Variants in NELL2 observed in about 807,000 individuals in gnomAD.
The protein encoded by NELL2 is protein kinase C-binding protein NELL2.
NELL2 carries 41 observed loss-of-function variants against 109.6 expected under a neutral mutation model. The observed-to-expected ratio is 0.37, with a 90% CI of 0.29 to 0.49. NELL2 has a LOEUF of 0.49. NELL2 is among the 20% of genes least tolerant of loss of function. The pLI is 0.98. For synonymous variants in NELL2, 355 were observed against 344.7 expected, an observed-to-expected ratio of 1.03 and a Z score of -0.33; for missense variants, 900 against 1,008.3, an observed-to-expected ratio of 0.89 and a Z score of 1.45.
At chr12:44,760,930 A>G (rs2136548693) in intron 9 of NELL2, among the ~76,000 whole-genome samples, 1 of 152,348 alleles carries the variant, frequency 6.6e-6, no homozygotes, top group East Asian at 1.9e-4. Context: ...TTGAAAAACA[A>G]AAGAAACATT....
rs182622756 is a variant in NELL2, at chr12:44,890,976, C to T, written c.39-15076G>A. 1.4e-4 allele frequency among the ~76,000 whole-genome samples: 22 copies of T among 152,252 alleles called. No individual in the cohort carries two copies. The East Asian group carries it at 3.7e-3, about 25-fold the overall frequency. On this transcript the variant is annotated intron_variant, in intron 1 of 20. Transcript: ENST00000333837. Reference sequence around the variant, plus strand: ...AACTCCTGACCTCAGGTGATCCACCCGCCTCGGCATCCCCAAGTTCTAGGA... The same window carrying T: ...AACTCCTGACCTCAGGTGATCCACCTGCCTCGGCATCCCCAAGTTCTAGGA...
chr12:44,613,044 CTTTACATA>C (rs1945681145), intron 13 of NELL2, among the ~76,000 whole-genome samples: 1 of 151,944 alleles, frequency 6.6e-6, no homozygotes, highest in Non-Finnish European at 1.5e-5. Flanking sequence ...GCATCCATGC[CTTTACATA>C]TATATATATG....
At chr12:44,746,568 C>A (rs1940370971) in intron 9 of NELL2, among the ~76,000 whole-genome samples, 2 of 152,162 alleles carry the variant, frequency 1.3e-5, no homozygotes, top group African/African-American at 4.8e-5. Context: ...GGGCTAATAC[C>A]CAGAATCTAC....
At chr12:44,749,086 C>G (rs1940526763) in intron 9 of NELL2, among the ~76,000 whole-genome samples, 1 of 152,128 alleles carries the variant, frequency 6.6e-6, no homozygotes, top group Admixed American at 6.6e-5. Flanking sequence ...AGGACTAAGT[C>G]TGACACTTCA....
chr12:44,864,065 C>T (rs970581628), intron 2 of NELL2, among the ~76,000 whole-genome samples: 1 of 151,882 alleles, frequency 6.6e-6, no homozygotes, highest in Non-Finnish European at 1.5e-5. Flanking sequence ...ACAATAGATA[C>T]ATAAAAGATA....
chr12:44,530,614 G>A (rs1056421878), intron 16 of NELL2, among the ~76,000 whole-genome samples: 10 of 152,162 alleles, frequency 6.6e-5, no homozygotes, highest in Admixed American at 3.3e-4. Context: ...TCTGACATGA[G>A]GTTATAAAAA....
intron 13 of NELL2, among the ~76,000 whole-genome samples, chr12:44,659,405 A>C (rs1947652681): frequency 6.6e-6 from 1 of 152,224 alleles, no homozygotes; most frequent in Non-Finnish European, 1.5e-5. Context: ...CAAAGTGAAC[A>C]GGCAACCTAC....
At chr12:44,646,349 T>C (rs1335343539) in intron 13 of NELL2, among the ~76,000 whole-genome samples, 1 of 152,186 alleles carries the variant, frequency 6.6e-6, no homozygotes, top group African/African-American at 2.4e-5. Flanking sequence ...AGTGATCTTG[T>C]AGACAGTACA....
chr12:44,721,028 G>T (rs977190995), intron 9 of NELL2, among the ~76,000 whole-genome samples: 3 of 152,118 alleles, frequency 2.0e-5, no homozygotes, highest in African/African-American at 7.2e-5. Context: ...TAGAACAAGA[G>T]CAAAAATTCA....
intron 19 of NELL2, among the ~76,000 whole-genome samples, chr12:44,513,163 G>C (rs1347774305): frequency 6.6e-6 from 1 of 151,912 alleles, no homozygotes; most frequent in Non-Finnish European, 1.5e-5. Context: ...CCATGATTAG[G>C]TGTAAAACAA....
At chr12:44,876,961 C>A (rs927695857), upstream of NELL2, 9 of 1,102,648 alleles carry the variant, frequency 8.2e-6, no homozygotes, top group African/African-American at 1.6e-5. Flanking sequence ...GCTTCCCGGG[C>A]GCGGAGAGCG....
chr12:44,873,153 G>C (rs548337649), intron 2 of NELL2, among the ~76,000 whole-genome samples: 1 of 152,070 alleles, frequency 6.6e-6, no homozygotes, highest in African/African-American at 2.4e-5. Flanking sequence ...TGATTGATTG[G>C]TTATATTAAA....
intron 1 of NELL2, among the ~76,000 whole-genome samples, chr12:44,912,989 G>A (rs1489237262): frequency 6.6e-6 from 1 of 152,192 alleles, no homozygotes; most frequent in East Asian, 1.9e-4. Flanking sequence ...TTGTTCTGAT[G>A]ATTAAGTTGA....
intron 12 of NELL2, among the ~76,000 whole-genome samples, chr12:44,673,238 A>C (rs920029205): frequency 6.6e-6 from 1 of 152,230 alleles, no homozygotes; most frequent in African/African-American, 2.4e-5. Context: ...ACATGTACAG[A>C]TATTTACAGG....
chr12:44,539,392 T>G (rs1493748), intron 15 of NELL2, among the ~76,000 whole-genome samples: 92,810 of 151,858 alleles, frequency 0.61, 28,605 homozygotes, highest in East Asian at 0.72. Flanking sequence ...GGGGATGCCT[T>G]CATTGATTCT....
At chr12:44,920,125 T>C (rs1289860678) in intron 1 of NELL2, among the ~76,000 whole-genome samples, 1 of 152,096 alleles carries the variant, frequency 6.6e-6, no homozygotes, top group African/African-American at 2.4e-5. Flanking sequence ...GTAATGTATG[T>C]TAATAGAATG....
At chr12:44,670,645 A>C (rs1419273244) in intron 12 of NELL2, among the ~76,000 whole-genome samples, 1 of 139,674 alleles carries the variant, frequency 7.2e-6, no homozygotes, top group African/African-American at 2.7e-5. Flanking sequence ...AAAAGTGTGA[A>C]GGAGTAGCTA....
At chr12:44,583,431 C>G (rs971424689) in intron 15 of NELL2, among the ~76,000 whole-genome samples, 2 of 152,148 alleles carry the variant, frequency 1.3e-5, no homozygotes, top group Non-Finnish European at 2.9e-5. Flanking sequence ...CTTATGAGAG[C>G]AGAGACCTTT....
chr12:44,665,390 T>C (rs1259312213), intron 13 of NELL2, 94 bp downstream of exon 13: 2 of 1,050,484 alleles, frequency 1.9e-6, no homozygotes, highest in African/African-American at 3.2e-5. Flanking sequence ...GTTGTATTTA[T>C]GGTATACTTA....
Sources: allele counts gnomAD v4.1 joint callset (sites outside exome capture counted in the v4.1 genomes callset), GRCh38; gene constraint gnomAD v4.1.1; transcripts MANE v1.5; gene names NCBI Gene and HGNC (gene_info 2026-07-23, HGNC 2026-07-21).